Variants in MBTD1 observed in about 807,000 individuals in gnomAD.
The protein encoded by MBTD1 is mbt domain containing 1, also known as MBT domain-containing protein 1.
Under a neutral mutation model 87.8 loss-of-function variants are expected in MBTD1, and 24 were observed. The observed-to-expected ratio is 0.27, with a 90% CI of 0.20 to 0.38. The LOEUF is 0.38. MBTD1 is among the 10% of genes least tolerant of loss of function. The pLI, the probability that MBTD1 is intolerant of heterozygous loss-of-function variation, is 1.00. For missense variants in MBTD1, 436 were observed against 760.2 expected, an observed-to-expected ratio of 0.57 and a Z score of 5.02; for synonymous variants, 237 against 248.6, an observed-to-expected ratio of 0.95 and a Z score of 0.44.
At chr17:51,196,034 A>T (rs899741874) in intron 12 of MBTD1, among the ~76,000 whole-genome samples, 1 of 151,998 alleles carries the variant, frequency 6.6e-6, no homozygotes, top group South Asian at 2.1e-4. Flanking sequence ...CTGCCTCCTG[A>T]GTAGCTAGGA....
At chr17:51,256,313 TC>T (rs1053331389) in intron 2 of MBTD1, 74 of 152,320 alleles carry the variant, frequency 4.9e-4, no homozygotes, top group African/African-American at 1.8e-3. Context: ...TCACCTAAGA[TC>T]GCAGTTCAGA....
In MBTD1 at chr17:51,236,544, CTA is replaced by C. The variant is rs1441358228; in HGVS notation, c.-48-11337_-48-11336del. Among the ~76,000 whole-genome samples the C allele has an allele frequency of 2.0e-5, 3 of 152,160 alleles. No individual in the cohort carries two copies. The East Asian group carries it at 5.8e-4, about 29-fold the overall frequency. ...ACAGGCATGAGCTGCTGCGTCTGGCCTATGTTTTTTATGCCACTTTGTGCATT... is the reference window on the plus strand; with the variant it reads ...ACAGGCATGAGCTGCTGCGTCTGGCCTGTTTTTTATGCCACTTTGTGCATT... On this transcript the variant is annotated intron_variant, in intron 2 of 16. Coordinates refer to ENST00000586178, the MANE Select transcript of MBTD1 (RefSeq NM_017643.3).
At chr17:51,234,848 C>A (rs1410975134) in intron 2 of MBTD1, among the ~76,000 whole-genome samples, 1 of 152,170 alleles carries the variant, frequency 6.6e-6, no homozygotes, top group Non-Finnish European at 1.5e-5. Context: ...CATATACCAC[C>A]ACGCCTGGCT....
At chr17:51,199,545 G>A (rs1358404769) in intron 12 of MBTD1, among the ~76,000 whole-genome samples, 1 of 151,694 alleles carries the variant, frequency 6.6e-6, no homozygotes, top group African/African-American at 2.4e-5. Context: ...GGGTTCAAGT[G>A]ATTCTTCTGC....
chr17:51,214,057 A>C (rs1196220276), intron 6 of MBTD1, among the ~76,000 whole-genome samples: 2 of 152,156 alleles, frequency 1.3e-5, no homozygotes, highest in African/African-American at 2.4e-5. Flanking sequence ...GTATGTGTGT[A>C]TATATATGTA....
intron 7 of MBTD1, among the ~76,000 whole-genome samples, 177 bp from the exon 8 acceptor site, chr17:51,204,102 G>A (rs1396747812): frequency 2.6e-5 from 4 of 152,176 alleles, no homozygotes; most frequent in African/African-American, 9.7e-5. Context: ...GATCTTGGGT[G>A]GGAACTGAGA....
intron 2 of MBTD1, among the ~76,000 whole-genome samples, chr17:51,225,625 C>A (rs911503054): frequency 6.6e-6 from 1 of 151,554 alleles, no homozygotes; most frequent in Non-Finnish European, 1.5e-5. Context: ...CCAGAGTGCT[C>A]GGATTATGGA....
chr17:51,192,932 C>T lies in MBTD1; in HGVS notation c.1540G>A (p.Val514Ile). 6.2e-7 allele frequency: 1 copy of T among 1,614,152 alleles called. No homozygotes were observed. The highest frequency in any genetic ancestry group is 8.5e-7 in the Non-Finnish European group (1 of 1,180,004). The change falls in exon 15 of 17, where the codon GTA (valine) becomes ATA (isoleucine). Residue 514 changes from valine (V) to isoleucine (I), a missense_variant. Coordinates refer to ENST00000586178, the MANE Select transcript of MBTD1 (RefSeq NM_017643.3). ...AAGAGACGATGAATAATTCGAGTTA[C>T]TGTGGCTACACATATTAAACGTGGC... is the stretch of plus-strand genomic sequence containing the variant. The part of the protein sequence containing the change: ...MEPRLICVAT[V>I]TRIIHRLLRI...
intron 2 of MBTD1, among the ~76,000 whole-genome samples, chr17:51,239,324 T>C (rs1350416292): frequency 6.6e-6 from 1 of 152,230 alleles, no homozygotes; most frequent in African/African-American, 2.4e-5. Flanking sequence ...TATATGATCA[T>C]GTCCTTTATT....
chr17:51,203,100 T>G, intron 9 of MBTD1, 40 bp downstream of exon 9: 2 of 1,497,776 alleles, frequency 1.3e-6, no homozygotes, highest in Non-Finnish European at 1.8e-6. Context: ...TACCCTTGTT[T>G]TTTAGAGCTC....
intron 7 of MBTD1, among the ~76,000 whole-genome samples, chr17:51,204,562 G>C (rs1203075645): frequency 7.6e-6 from 1 of 132,194 alleles, no homozygotes; most frequent in Non-Finnish European, 1.7e-5. Context: ...GAGTGCAGTG[G>C]TGTGATCTTG....
Position 51,180,504 on chromosome 17 carries a change from G to A in MBTD1, c.*72C>T, listed in dbSNP as rs2050260321. ...AAATGTCCCAGTAGAGTAGCCCCCTGTACAGCTGGATTGATTATAAATCAG... is the reference window on the plus strand; with the variant it reads ...AAATGTCCCAGTAGAGTAGCCCCCTATACAGCTGGATTGATTATAAATCAG... On this transcript the variant is annotated 3_prime_UTR_variant, in exon 17 of 17. Transcript: ENST00000586178. The A allele has an allele frequency of 1.5e-6, 1 of 684,826 alleles. No individual in the cohort carries two copies. The highest frequency in any genetic ancestry group is 2.4e-6 in the Non-Finnish European group (1 of 419,880). 42.4% of individuals were successfully genotyped at this position (684,826 alleles called of 1,614,324 possible).
intron 2 of MBTD1, among the ~76,000 whole-genome samples, chr17:51,237,697 T>C (rs77808393): frequency 0.12 from 18,112 of 152,232 alleles, 1,822 homozygotes; most frequent in African/African-American, 0.27. Flanking sequence ...GGAACTCTCA[T>C]ACATTGTGGA....
chr17:51,255,757 C>T (rs546218753), intron 2 of MBTD1, among the ~76,000 whole-genome samples: 2 of 152,108 alleles, frequency 1.3e-5, no homozygotes, highest in Admixed American at 6.5e-5. Context: ...GCCACCACAC[C>T]TAATTTTTGT....
chr17:51,227,437 T>C (rs1271052791), intron 2 of MBTD1, among the ~76,000 whole-genome samples: 1 of 152,068 alleles, frequency 6.6e-6, no homozygotes, highest in Non-Finnish European at 1.5e-5. Context: ...GGCTTGCACC[T>C]GTGGTCCCAG....
chr17:51,183,400 A>C (rs1013912095), intron 16 of MBTD1: 6 of 151,098 alleles, frequency 4.0e-5, no homozygotes, highest in Admixed American at 3.3e-4. Context: ...CAAACTCCTG[A>C]TCTCAGGTGA....
chr17:51,256,877 AGCTACTCAATGGCAGAATT>A (rs2055121413), intron 2 of MBTD1: 1 of 152,230 alleles, frequency 6.6e-6, no homozygotes, highest in Non-Finnish European at 1.5e-5. Context: ...AGGGCCATGG[AGCTACTCAATGGCAGAATT>A]GTGACATCAA....
intron 2 of MBTD1, among the ~76,000 whole-genome samples, chr17:51,231,498 GGTC>G (rs780349988): frequency 6.6e-6 from 1 of 152,136 alleles, no homozygotes; most frequent in East Asian, 1.9e-4. Context: ...CTCACGTCAA[GGTC>G]TTCTGGAGAC....
chr17:51,203,579 T>C (rs901129714), intron 8 of MBTD1, among the ~76,000 whole-genome samples: 4 of 151,928 alleles, frequency 2.6e-5, no homozygotes, highest in African/African-American at 7.3e-5. Context: ...TAGGGAGAAG[T>C]TGAGATGGGG....
Sources: gnomAD v4.1 joint callset for allele counts (sites outside exome capture counted in the v4.1 genomes callset) on GRCh38, gnomAD v4.1.1 for gene constraint, MANE v1.5 for transcripts, NCBI Gene and HGNC (gene_info 2026-07-23, HGNC 2026-07-21) for gene names.